The following FOXP1 variants were observed in gnomAD, a reference collection of about 807,000 sequenced individuals.
The protein encoded by FOXP1 is forkhead box P1, also known as forkhead box protein P1.
A neutral mutation model predicts 98.2 loss-of-function variants in FOXP1; 15 were observed. The ratio of observed to expected loss-of-function variants is 0.15; its 90% CI spans 0.10 to 0.24. FOXP1 has a LOEUF of 0.24. Among genes scored for constraint, FOXP1 ranks in the 10% least tolerant of loss-of-function variants. FOXP1 has a pLI of 1.00. For missense variants in FOXP1, 633 were observed against 848.5 expected (o/e 0.75, Z 3.15); for synonymous variants, 371 against 314.5 (o/e 1.18, Z -1.90).
chr3:71,007,694 T>G (rs771353163), intron 12 of FOXP1, among the ~76,000 whole-genome samples: 1 of 152,188 alleles, frequency 6.6e-6, no homozygotes, highest in Non-Finnish European at 1.5e-5. Flanking sequence ...AAACAAGATG[T>G]TACCATGATA....
intron 7 of FOXP1, among the ~76,000 whole-genome samples, chr3:71,067,753 C>CACACACACACACACACAT (rs1319229405): frequency 6.6e-6 from 1 of 150,548 alleles, no homozygotes; most frequent in Non-Finnish European, 1.5e-5. Flanking sequence ...CACACACACA[C>CACACACACACACACACAT]ACACACACAC....
chr3:71,332,286 C>T (rs1035763958), intron 4 of FOXP1: 13 of 156,054 alleles, frequency 8.3e-5, no homozygotes, highest in Admixed American at 4.6e-4. Context: ...TAACGCTCAC[C>T]GCGAAGGTCT....
At chr3:71,123,045 G>A (rs947038942) in intron 6 of FOXP1, among the ~76,000 whole-genome samples, 1 of 151,924 alleles carries the variant, frequency 6.6e-6, no homozygotes, top group African/African-American at 2.4e-5. Flanking sequence ...TTTTCAACCA[G>A]ACCTTTCCAT....
chr3:71,258,310 A>C (rs1404050624), intron 5 of FOXP1, among the ~76,000 whole-genome samples: 3 of 152,146 alleles, frequency 2.0e-5, no homozygotes, highest in Admixed American at 6.5e-5. Flanking sequence ...GTAGGATGTT[A>C]ATAGGTAGGA....
intron 5 of FOXP1, among the ~76,000 whole-genome samples, chr3:71,205,933 AAAG>A (rs1393217705): frequency 6.6e-6 from 1 of 152,240 alleles, no homozygotes; most frequent in Non-Finnish European, 1.5e-5. Context: ...AAGAGGAAGA[AAAG>A]AAATAGGAAC....
intron 19 of FOXP1, 150 bp from the exon 20 acceptor site, chr3:70,966,206 C>A: frequency 4.9e-5 from 36 of 729,032 alleles, no homozygotes; most frequent in Non-Finnish European, 6.5e-5. Flanking sequence ...AAAGATTTTG[C>A]TTTAAAAACG....
chr3:71,437,903 A>T (rs2085518222), intron 3 of FOXP1, among the ~76,000 whole-genome samples: 1 of 152,172 alleles, frequency 6.6e-6, no homozygotes. Flanking sequence ...CCAGGAGGTG[A>T]AGAAAAGCTG....
In FOXP1 at chr3:71,062,151, C is replaced by CA. The variant is rs1035871243; in HGVS notation, c.283-8379dup. On this transcript the variant is annotated intron_variant, in intron 7 of 20. Transcript: ENST00000649528. ...TTAAGGTACATTAAACTACAAACAACAAAAAAAAATTCAACCATTCCTATC... is the reference window on the plus strand; with the variant it reads ...TTAAGGTACATTAAACTACAAACAACAAAAAAAAAATTCAACCATTCCTATC... Among the ~76,000 whole-genome samples, 10 of 151,198 alleles carry CA rather than the reference C, an allele frequency of 6.6e-5. No homozygotes were observed. The South Asian group carries it at 1.0e-3, about 16-fold the overall frequency.
intron 3 of FOXP1, among the ~76,000 whole-genome samples, chr3:71,463,499 A>G (rs1180556072): frequency 6.6e-6 from 1 of 152,072 alleles, no homozygotes; most frequent in Non-Finnish European, 1.5e-5. Flanking sequence ...ATCCCACACT[A>G]AGGAGCTGTA....
At chr3:71,482,842 T>C (rs929780494) in intron 3 of FOXP1, among the ~76,000 whole-genome samples, 1 of 152,018 alleles carries the variant, frequency 6.6e-6, no homozygotes, top group Non-Finnish European at 1.5e-5. Flanking sequence ...CACTTTTTTT[T>C]TTTTTTAGAC....
In FOXP1 at chr3:71,415,352, A is replaced by T. The variant is rs371374594; in HGVS notation, c.-167-56108T>A. ...ATTTTTTAATCTATAAATTGTGATT[A>T]TAATTTTCACTCCTGTTGATAACAA... is the stretch of plus-strand genomic sequence containing the variant. On this transcript the variant is annotated intron_variant, in intron 3 of 20. Transcript: ENST00000649528. 1.5e-4 allele frequency among the ~76,000 whole-genome samples: 23 copies of T among 152,344 alleles called. No individual in the cohort carries two copies. In the South Asian group the frequency reaches 4.3e-3, roughly 29 times the overall value.
intron 7 of FOXP1, among the ~76,000 whole-genome samples, chr3:71,101,755 G>C (rs1055680656): frequency 2.6e-5 from 4 of 151,664 alleles, no homozygotes; most frequent in African/African-American, 9.7e-5. Flanking sequence ...GCAAAAGAAG[G>C]AGCTAGAGGA....
intron 12 of FOXP1, among the ~76,000 whole-genome samples, chr3:71,002,420 G>T (rs769706603): frequency 1.3e-5 from 2 of 152,156 alleles, no homozygotes; most frequent in Non-Finnish European, 2.9e-5. Context: ...TCTTAGGCCA[G>T]AATAATGACT....
At chr3:71,279,804 T>C (rs1560231870) in intron 5 of FOXP1, among the ~76,000 whole-genome samples, 2 of 152,116 alleles carry the variant, frequency 1.3e-5, no homozygotes, top group Non-Finnish European at 2.9e-5. Flanking sequence ...AAAACTGTTA[T>C]GTGTCTATAC....
At chr3:71,574,386 T>A (rs1284720602) in intron 2 of FOXP1, 1 of 152,248 alleles carries the variant, frequency 6.6e-6, no homozygotes, top group East Asian at 1.9e-4. Flanking sequence ...TTTATTTAAA[T>A]AACTCTTTTG....
intron 19 of FOXP1, among the ~76,000 whole-genome samples, chr3:70,967,702 T>TG (rs2035209280): frequency 2.5e-5 from 3 of 119,164 alleles, no homozygotes; most frequent in Non-Finnish European, 4.8e-5. Context: ...TTTTTTTTGT[T>TG]TTTTTTTGTT....
At chr3:71,566,954 T>G (rs1559539472) in intron 2 of FOXP1, among the ~76,000 whole-genome samples, 1 of 151,948 alleles carries the variant, frequency 6.6e-6, no homozygotes, top group Non-Finnish European at 1.5e-5. Flanking sequence ...AGTCTCTCCC[T>G]CACCTCACAA....
chr3:71,475,287 C>T (rs761430092), intron 3 of FOXP1, among the ~76,000 whole-genome samples: 91 of 152,216 alleles, frequency 6.0e-4, no homozygotes, highest in Middle Eastern at 6.8e-3. Context: ...TCAAACTCCA[C>T]GATTAAAATG....
intron 5 of FOXP1, among the ~76,000 whole-genome samples, chr3:71,226,515 G>C (rs543309897): frequency 6.6e-6 from 1 of 151,796 alleles, no homozygotes; most frequent in Non-Finnish European, 1.5e-5. Flanking sequence ...TGATGGCAGG[G>C]TCTACTCTGG....
Sources: gnomAD v4.1 joint callset for allele counts (sites outside exome capture counted in the v4.1 genomes callset) on GRCh38, gnomAD v4.1.1 for gene constraint, MANE v1.5 for transcripts, NCBI Gene and HGNC (gene_info 2026-07-23, HGNC 2026-07-21) for gene names.